WDFY3: variants seen among roughly 807,000 people sequenced by gnomAD.
WDFY3 encodes the protein WD repeat and FYVE domain-containing protein 3.
A neutral mutation model predicts 409.6 loss-of-function variants in WDFY3; 66 were observed. The ratio of observed to expected loss-of-function variants is 0.16; its 90% confidence interval spans 0.13 to 0.20. The LOEUF is 0.20. WDFY3 is among the 10% of genes least tolerant of loss of function. The probability of loss-of-function intolerance (pLI) is 1.00; values close to 1 mark genes in which losing one functional copy is unlikely to be tolerated. For synonymous variants in WDFY3, 1,521 were observed against 1,537.1 expected, an observed-to-expected ratio of 0.99 and a Z score of 0.25; for missense variants, 3,031 against 4,298.1, an observed-to-expected ratio of 0.71 and a Z score of 8.24.
chr4:84,763,335 A>G (rs1743031444), intron 32 of WDFY3, among the ~76,000 whole-genome samples: 2 of 151,958 alleles, frequency 1.3e-5, no homozygotes, highest in South Asian at 4.1e-4. Context: ...AACAATGAGA[A>G]CACATGGACA....
intron 6 of WDFY3, among the ~76,000 whole-genome samples, chr4:84,838,795 C>T (rs1756939226): frequency 6.6e-6 from 1 of 152,104 alleles, no homozygotes; most frequent in Non-Finnish European, 1.5e-5. Flanking sequence ...TTACTGAACT[C>T]CTCATCTTTC....
chr4:84,679,869 C>T (rs942355152), intron 64 of WDFY3, among the ~76,000 whole-genome samples: 19 of 148,224 alleles, frequency 1.3e-4, no homozygotes, highest in Admixed American at 3.4e-4. Flanking sequence ...CACACACGTA[C>T]GTGTGTATAT....
At chr4:84,677,961 CAAAAAAAA>C (rs986393073) in intron 66 of WDFY3, among the ~76,000 whole-genome samples, 199 bp downstream of exon 66, 66 of 21,180 alleles carry the variant, frequency 3.1e-3, no homozygotes, top group African/African-American at 0.011. Flanking sequence ...GACCCTGTCT[CAAAAAAAA>C]AAAAAAAAAA....
chr4:84,836,332 T>G (rs904297962), intron 7 of WDFY3, among the ~76,000 whole-genome samples: 1 of 152,196 alleles, frequency 6.6e-6, no homozygotes, highest in Admixed American at 6.5e-5. Context: ...TATATGTTTG[T>G]TTGCTTGTTT....
chr4:84,761,805 C>T (rs1291231050), intron 32 of WDFY3, among the ~76,000 whole-genome samples: 3 of 152,126 alleles, frequency 2.0e-5, no homozygotes, highest in Admixed American at 6.6e-5. Context: ...GGGCAAAGGA[C>T]ATGAACAGAC....
At chr4:84,691,606 T>C (rs1282368875) in intron 60 of WDFY3, 25 bp downstream of exon 60, 4 of 1,609,992 alleles carry the variant, frequency 2.5e-6, no homozygotes, top group Non-Finnish European at 3.4e-6. Flanking sequence ...CAATATTAAA[T>C]GAGTAGGCAG....
chr4:84,691,271 G>C (rs1474936532), intron 60 of WDFY3, among the ~76,000 whole-genome samples: 1 of 152,018 alleles, frequency 6.6e-6, no homozygotes, highest in African/African-American at 2.4e-5. Flanking sequence ...ATGAAAAGTG[G>C]GGCAGATGGT....
At chr4:84,678,723 A>G (rs1426703687) in intron 65 of WDFY3, among the ~76,000 whole-genome samples, 196 bp downstream of exon 65, 2 of 152,204 alleles carry the variant, frequency 1.3e-5, no homozygotes, top group African/African-American at 4.8e-5. Flanking sequence ...CCATCGTAGG[A>G]TAGAATTTTT....
intron 42 of WDFY3, among the ~76,000 whole-genome samples, chr4:84,735,445 C>T (rs551213605): frequency 6.6e-6 from 1 of 152,252 alleles, no homozygotes; most frequent in East Asian, 1.9e-4. Flanking sequence ...AAGACTCACA[C>T]ATTTCAGCTT....
chr4:84,888,525 A>G (rs1764523045), intron 3 of WDFY3, among the ~76,000 whole-genome samples: 1 of 152,200 alleles, frequency 6.6e-6, no homozygotes, highest in Non-Finnish European at 1.5e-5. Context: ...ATATACTTTC[A>G]TATTATTTTC....
chr4:84,789,669 A>ACACACC, intron 22 of WDFY3, 57 bp downstream of exon 22: 2 of 1,056,978 alleles, frequency 1.9e-6, no homozygotes, highest in South Asian at 1.8e-5. Flanking sequence ...ACACACACAC[A>ACACACC]CCCCCCAAAC....
intron 67 of WDFY3, among the ~76,000 whole-genome samples, chr4:84,676,172 A>G (rs1726255649): frequency 1.3e-5 from 2 of 152,186 alleles, no homozygotes; most frequent in Non-Finnish European, 2.9e-5. Flanking sequence ...CAAGATATAT[A>G]AAAAACAAAG....
chr4:84,679,262 A>C lies in WDFY3; in HGVS notation c.9824-20T>G. 4 of 1,476,292 alleles carry C rather than the reference A, an allele frequency of 2.7e-6. No homozygotes were observed. The highest frequency in any genetic ancestry group is 3.6e-6 in the Non-Finnish European group (4 of 1,110,084). The allele number at this position is 1,476,292 out of a possible 1,614,324, so 91.4% of individuals were successfully genotyped here. A position where few individuals can be genotyped will look rare whatever the true frequency, so the allele number is the denominator to read the frequency against. The stretch of plus-strand genomic sequence containing the variant: ...CCTGCCCTGGGTGAAGCATTGAGAG[A>C]ATTGGAACATACGGAACCATCAAAG... On this transcript the variant is annotated intron_variant, in intron 64 of 67. Coordinates refer to ENST00000295888, the MANE Select transcript of WDFY3 (RefSeq NM_014991.6).
chr4:84,700,934 AC>A (rs1730980062), intron 56 of WDFY3, among the ~76,000 whole-genome samples: 1 of 151,936 alleles, frequency 6.6e-6, no homozygotes, highest in African/African-American at 2.4e-5. Context: ...ACATGGGGAA[AC>A]CCCGTCTCTA....
chr4:84,725,755 C>G (rs1410831632), intron 45 of WDFY3, among the ~76,000 whole-genome samples: 1 of 152,116 alleles, frequency 6.6e-6, no homozygotes, highest in Non-Finnish European at 1.5e-5. Flanking sequence ...ATGCCCTTTT[C>G]AAGCAACATT....
intron 3 of WDFY3, among the ~76,000 whole-genome samples, chr4:84,893,115 T>C (rs1268398504): frequency 6.6e-6 from 1 of 152,180 alleles, no homozygotes; most frequent in Non-Finnish European, 1.5e-5. Flanking sequence ...ATGTCTGCAT[T>C]GTGATTCAGT....
intron 5 of WDFY3, among the ~76,000 whole-genome samples, chr4:84,843,290 T>C (rs1757634269): frequency 6.6e-6 from 1 of 152,228 alleles, no homozygotes; most frequent in African/African-American, 2.4e-5. Flanking sequence ...AAATATATTT[T>C]ACTATTTTGT....
chr4:84,836,643 G>A (rs184157656), intron 7 of WDFY3, among the ~76,000 whole-genome samples: 23 of 151,890 alleles, frequency 1.5e-4, no homozygotes, highest in Admixed American at 1.2e-3. Context: ...AGTTTTCCTT[G>A]CTTAGTTCAT....
chr4:84,704,021 A>T (rs1034575327), intron 55 of WDFY3, among the ~76,000 whole-genome samples: 1 of 152,254 alleles, frequency 6.6e-6, no homozygotes, highest in Non-Finnish European at 1.5e-5. Context: ...ATTATAATCG[A>T]GGAAACAGAG....
Sources: gnomAD v4.1 joint callset for allele counts (sites outside exome capture counted in the v4.1 genomes callset) on GRCh38, gnomAD v4.1.1 for gene constraint, MANE v1.5 for transcripts, NCBI Gene and HGNC (gene_info 2026-07-23, HGNC 2026-07-21) for gene names.